The following DCP1B variants were observed in gnomAD, a reference collection of about 807,000 sequenced individuals.
The protein encoded by DCP1B is decapping mRNA 1B.
DCP1B carries 47 observed loss-of-function variants against 60.5 expected under a neutral mutation model. The ratio of observed to expected loss-of-function variants is 0.78; its 90% confidence interval spans 0.61 to 0.99. The LOEUF (loss-of-function observed/expected upper bound fraction) is 0.99. Among genes scored for constraint, DCP1B ranks in the 50% least tolerant of loss-of-function variants. The pLI is 0.00. For synonymous variants in DCP1B, 267 were observed against 280.3 expected, an observed-to-expected ratio of 0.95 and a Z score of 0.47; for missense variants, 725 against 756.8, an observed-to-expected ratio of 0.96 and a Z score of 0.49.
chr12:1,947,512 G>A (rs1224129858), intron 8 of DCP1B, among the ~76,000 whole-genome samples: 3 of 152,184 alleles, frequency 2.0e-5, no homozygotes, highest in Admixed American at 1.3e-4. Context: ...GCAGAGTGGA[G>A]GGCAGGGGAA....
Position 1,956,884 on chromosome 12 carries a change from C to T in DCP1B, c.523-1324G>A, listed in dbSNP as rs951559503. Among the ~76,000 whole-genome samples the T allele has an allele frequency of 8.5e-5, 13 of 152,266 alleles. No individual in the cohort carries two copies. The East Asian group carries it at 1.3e-3, about 16-fold the overall frequency. Reference sequence around the variant, plus strand: ...TCTATGTTCAGAAACACTGAATTTCCGGCAAAGAAAGGCAGATTTTTCCCA... The same window carrying T: ...TCTATGTTCAGAAACACTGAATTTCTGGCAAAGAAAGGCAGATTTTTCCCA... On this transcript the variant is annotated intron_variant, in intron 5 of 8. Coordinates refer to ENST00000280665, the MANE Select transcript of DCP1B (RefSeq NM_152640.5).
At chr12:1,974,745 G>T (rs1165627470) in intron 3 of DCP1B, among the ~76,000 whole-genome samples, 1 of 152,128 alleles carries the variant, frequency 6.6e-6, no homozygotes, top group Non-Finnish European at 1.5e-5. Context: ...CCTGAAAAAT[G>T]TAAGATTTAG....
chr12:1,971,339 C>A lies in DCP1B; in HGVS notation c.320-3429G>T. 1 of 431,286 alleles carries A rather than the reference C, an allele frequency of 2.3e-6. No individual in the cohort carries two copies. The highest frequency in any genetic ancestry group is 3.8e-6 in the Non-Finnish European group (1 of 262,824). The allele number at this position is 431,286 out of a possible 1,614,324, so 26.7% of individuals were successfully genotyped here. A position where few individuals can be genotyped will look rare whatever the true frequency, so the allele number is the denominator to read the frequency against. On this transcript the variant is annotated intron_variant, in intron 3 of 8. Transcript: ENST00000280665. This position sits in a 1 kb window ranked among gnomAD's most constrained non-coding sequence, Gnocchi z 4.2. The stretch of plus-strand genomic sequence containing the variant: ...TATTTAATCAGGATTTACCACACAC[C>A]GTTGTAAAATTTTGCCTGTAACTGC...
At chr12:1,981,178 T>G (rs1007726903) in intron 3 of DCP1B, among the ~76,000 whole-genome samples, 8 of 152,132 alleles carry the variant, frequency 5.3e-5, no homozygotes, top group African/African-American at 1.7e-4. Flanking sequence ...TAAAGTAACC[T>G]TGAGAAGCTG....
intron 7 of DCP1B, chr12:1,949,892 C>T (rs565629103): frequency 3.5e-4 from 63 of 179,476 alleles, no homozygotes; most frequent in African/African-American, 1.1e-3. Flanking sequence ...CTTCAGCTTC[C>T]GCAGCTGATG....
Position 1,997,856 on chromosome 12 carries a change from C to T in DCP1B, c.191+79G>A, listed in dbSNP as rs138922344. 1.1e-3 allele frequency: 1,254 copies of T among 1,131,718 alleles called. 11 individuals carry two copies. In the African/African-American group the frequency reaches 0.018, roughly 16 times the overall value. The allele number at this position is 1,131,718 out of a possible 1,614,324, so 70.1% of individuals were successfully genotyped here. ...CTTCTTTTTGAAATAAAACTGCATG[C>T]ACTTGAAGAAGAGTGACACAACGGA... On this transcript the variant is annotated intron_variant, in intron 2 of 8. Coordinates refer to ENST00000280665, the MANE Select transcript of DCP1B (RefSeq NM_152640.5).
chr12:1,998,353 C>T (rs150464402), intron 1 of DCP1B, among the ~76,000 whole-genome samples: 111 of 152,312 alleles, frequency 7.3e-4, no homozygotes, highest in Middle Eastern at 3.4e-3. Context: ...AAGCTGCAGA[C>T]ATCACTGGTG....
At chr12:1,946,417 T>A (rs1592772809) in intron 8 of DCP1B, 131 bp from the exon 9 acceptor site, 2 of 631,326 alleles carry the variant, frequency 3.2e-6, no homozygotes, top group African/African-American at 1.9e-5. Context: ...CAGCTGGTGG[T>A]TTTTAATTGC....
intron 3 of DCP1B, among the ~76,000 whole-genome samples, chr12:1,988,785 T>C (rs997840910): frequency 1.3e-5 from 2 of 152,180 alleles, no homozygotes; most frequent in African/African-American, 2.4e-5. Flanking sequence ...TAATTTTCCT[T>C]TTCATTCAGG....
In DCP1B at chr12:1,953,290, T is replaced by C. The variant is rs1185451840; in HGVS notation, c.652-2A>G. On this transcript the variant is annotated splice_acceptor_variant, in intron 6 of 8. Coordinates refer to ENST00000280665, the MANE Select transcript of DCP1B (RefSeq NM_152640.5). LOFTEE classifies it high-confidence loss of function. ...GTGTTGGGGTTCAGGGTCTAAGGTC[T>C]GGAAAAAATAAAGATATCTGACATG... 2 of 1,558,722 alleles carry C rather than the reference T, an allele frequency of 1.3e-6. No individual in the cohort carries two copies. The highest frequency in any genetic ancestry group is 1.2e-5 in the South Asian group (1 of 85,518).
In DCP1B at chr12:1,949,091, T is replaced by C. The variant is rs376130978; in HGVS notation, c.1768A>G (p.Ile590Val). ...LQLQEALLYLIQNDDNFLNII... is the reference protein window; with the variant it reads ...LQLQEALLYLVQNDDNFLNII... Reference sequence around the variant, plus strand: ...GAGATGACGTGCTTGCTTACCTGAATGAGGTACAGCAGTGCCTCCTGGAGC... The same window carrying C: ...GAGATGACGTGCTTGCTTACCTGAACGAGGTACAGCAGTGCCTCCTGGAGC... The change falls in exon 8 of 9, where the codon ATT (isoleucine) becomes GTT (valine). Residue 590 changes from isoleucine to valine, a missense_variant. Physicochemically the swap from Ile to Val is conservative, Grantham distance 29. Coordinates refer to ENST00000280665, the MANE Select transcript of DCP1B (RefSeq NM_152640.5). 1.2e-6 allele frequency: 2 copies of C among 1,611,790 alleles called. No individual in the cohort carries two copies. The highest frequency in any genetic ancestry group is 1.3e-5 in the African/African-American group (1 of 74,864).
At chr12:1,968,411 T>C (rs1184966816) in intron 3 of DCP1B, among the ~76,000 whole-genome samples, 6 of 150,878 alleles carry the variant, frequency 4.0e-5, no homozygotes, top group Non-Finnish European at 7.4e-5. Flanking sequence ...GGTGGTTTTG[T>C]GCAAAGACGC....
chr12:1,955,839 GGT>G (rs534479671), intron 5 of DCP1B, among the ~76,000 whole-genome samples: 267 of 152,226 alleles, frequency 1.8e-3, no homozygotes, highest in African/African-American at 6.0e-3. Flanking sequence ...ATAATTGAAA[GGT>G]TCTGTGCTTA....
At chr12:1,968,215 G>A (rs981705435) in intron 3 of DCP1B, among the ~76,000 whole-genome samples, 7 of 151,976 alleles carry the variant, frequency 4.6e-5, no homozygotes, top group Admixed American at 6.6e-5. Context: ...AGCCAGGCCT[G>A]GTGGCGGGCG....
At chr12:1,986,572 C>A (rs915101356) in intron 3 of DCP1B, among the ~76,000 whole-genome samples, 6 of 152,064 alleles carry the variant, frequency 3.9e-5, no homozygotes, top group African/African-American at 1.4e-4. Context: ...GCTTTCCCTG[C>A]AACTGGCTTC....
intron 3 of DCP1B, among the ~76,000 whole-genome samples, chr12:1,974,759 C>G (rs1484979687): frequency 6.6e-6 from 1 of 152,146 alleles, no homozygotes; most frequent in Non-Finnish European, 1.5e-5. Flanking sequence ...GATTTAGATG[C>G]ATGTCAGTCA....
intron 8 of DCP1B, among the ~76,000 whole-genome samples, chr12:1,947,198 G>A (rs1057271729): frequency 1.9e-4 from 29 of 152,120 alleles, no homozygotes; most frequent in Non-Finnish European, 1.3e-4. Context: ...TGAGAATCAC[G>A]GTCTAATCAG....
intron 3 of DCP1B, among the ~76,000 whole-genome samples, chr12:1,990,770 T>A (rs2039163456): frequency 6.6e-6 from 1 of 152,158 alleles, no homozygotes; most frequent in Admixed American, 6.5e-5. Flanking sequence ...GGCCAACCAA[T>A]CTATATGCCA....
At chr12:1,975,241 TCTA>T (rs1211346362) in intron 3 of DCP1B, among the ~76,000 whole-genome samples, 1 of 152,156 alleles carries the variant, frequency 6.6e-6, no homozygotes, top group African/African-American at 2.4e-5. Context: ...GTGTTTTGGT[TCTA>T]CTATGAAATA....
Sources: allele counts gnomAD v4.1 joint callset (sites outside exome capture counted in the v4.1 genomes callset), GRCh38; gene constraint gnomAD v4.1.1; non-coding constraint Gnocchi (gnomAD v3.1); transcripts MANE v1.5; gene names NCBI Gene and HGNC (gene_info 2026-07-23, HGNC 2026-07-21).